The following MMADHC variants were observed in gnomAD, a reference collection of about 807,000 sequenced individuals.
MMADHC encodes the protein cobalamin trafficking protein CblD.
In MMADHC, 23 loss-of-function variants were observed where a neutral mutation model predicts 36.3. That is an observed-to-expected ratio of 0.63 (90% CI 0.46 to 0.90). The LOEUF (loss-of-function observed/expected upper bound fraction) is 0.90. MMADHC is among the 40% of genes least tolerant of loss of function. The pLI is 0.00. For synonymous variants in MMADHC, 97 were observed against 116.1 expected, an observed-to-expected ratio of 0.84 and a Z score of 1.06; for missense variants, 330 against 348.0, an observed-to-expected ratio of 0.95 and a Z score of 0.41.
intron 3 of MMADHC, among the ~76,000 whole-genome samples, chr2:149,580,649 T>C (rs948386148): frequency 1.3e-5 from 2 of 152,186 alleles, no homozygotes; most frequent in African/African-American, 2.4e-5. Flanking sequence ...GAGAACTAAG[T>C]AACTGAGAAT....
chr2:149,578,175 A>C (rs959049191), intron 4 of MMADHC, among the ~76,000 whole-genome samples: 23 of 152,038 alleles, frequency 1.5e-4, no homozygotes, highest in African/African-American at 5.6e-4. Context: ...CAATGACTCT[A>C]AAAATCCAGG....
chr2:149,573,595 T>G (rs1682674660), intron 6 of MMADHC, among the ~76,000 whole-genome samples: 1 of 151,604 alleles, frequency 6.6e-6, no homozygotes. Flanking sequence ...TGATCTAAGG[T>G]AACTTTTCTC....
rs1408918634 is a variant in MMADHC, at chr2:149,569,820, T to G, written c.*154A>C. ...ATGAATAAATGAACATTTGCAATTT[T>G]AAAATCCCAAATCACTTGCCAATGT... On this transcript the variant is annotated 3_prime_UTR_variant, in exon 8 of 8. Coordinates refer to ENST00000303319, the MANE Select transcript of MMADHC (RefSeq NM_015702.3). 1 of 705,722 alleles carries G rather than the reference T, an allele frequency of 1.4e-6. No individual in the cohort carries two copies. Among genetic ancestry groups the G allele is most frequent in the Admixed American group, 2.7e-5 (1 of 36,994 alleles). 43.7% of individuals were successfully genotyped at this position (705,722 alleles called of 1,614,324 possible). A position where few individuals can be genotyped will look rare whatever the true frequency, so the allele number is the denominator to read the frequency against.
rs546832206 is a variant in MMADHC, at chr2:149,581,344, CAG to C, written c.154+781_154+782del. Among the ~76,000 whole-genome samples the C allele has an allele frequency of 2.2e-4, 33 of 152,050 alleles. No individual in the cohort carries two copies. In the East Asian group the frequency reaches 4.6e-3, roughly 21 times the overall value. On this transcript the variant is annotated intron_variant, in intron 3 of 7. Transcript: ENST00000303319. ...TAGGTGATGTAAATTGGGGAGTAGTCAGAGAGTTAGAAAACTTGGGCAGGATG... is the reference window on the plus strand; with the variant it reads ...TAGGTGATGTAAATTGGGGAGTAGTCAGAGTTAGAAAACTTGGGCAGGATG...
In MMADHC at chr2:149,571,359, TAACAC is replaced by T. The variant is rs1385419594; in HGVS notation, c.610-193_610-189del. On this transcript the variant is annotated intron_variant, in intron 6 of 7. Transcript: ENST00000303319. ...TTCACCATTCCAGAAGATTAATGGT[TAACAC>T]AACACTTTATTTCAAAAAGACTAAA... 3.3e-5 allele frequency among the ~76,000 whole-genome samples: 5 copies of T among 152,338 alleles called. No individual in the cohort carries two copies. The South Asian group carries it at 6.2e-4, about 19-fold the overall frequency.
intron 4 of MMADHC, 68 bp from the exon 5 acceptor site, chr2:149,576,610 A>AATAAC (rs1254176837): frequency 9.1e-7 from 1 of 1,093,384 alleles, no homozygotes; most frequent in African/African-American, 1.6e-5. Context: ...TGCCTGTTAT[A>AATAAC]AACCTGTCTT....
At position 149,582,153 on chromosome 2, in the gene MMADHC, T is replaced by C; in HGVS notation, c.128A>G (p.His43Arg). 5 of 1,613,932 alleles carry C rather than the reference T, an allele frequency of 3.1e-6. No homozygotes were observed. Among genetic ancestry groups the C allele is most frequent in the Non-Finnish European group, 4.2e-6 (5 of 1,179,862 alleles). ...TATATCTGGAGGTGCAGCAGCCACA[T>C]GAGACTCATCCGAACCTGATGATCC... Reference protein sequence around the residue: ...TAGSSGSDESHVAAAPPDICS... With the variant: ...TAGSSGSDESRVAAAPPDICS... The change falls in exon 3 of 8, where the codon CAT (histidine) becomes CGT (arginine). Residue 43 changes from histidine (H) to arginine (R), a missense_variant. By Grantham distance (29) the His-to-Arg change is conservative. Transcript: ENST00000303319.
In MMADHC at chr2:149,569,708, G is replaced by A; in HGVS notation, c.*266C>T. 3.6e-6 allele frequency: 1 copy of A among 279,766 alleles called. No individual in the cohort carries two copies. The highest frequency in any genetic ancestry group is 6.5e-5 in the East Asian group (1 of 15,324). 17.3% of individuals were successfully genotyped at this position (279,766 alleles called of 1,614,324 possible). A position where few individuals can be genotyped will look rare whatever the true frequency, so the allele number is the denominator to read the frequency against. ...TGAGGCCTTTTTCCAATAAAGAGGA[G>A]AAATAACAATAGCAGATCATACCCT... On this transcript the variant is annotated 3_prime_UTR_variant, in exon 8 of 8. Transcript: ENST00000303319.
intron 6 of MMADHC, among the ~76,000 whole-genome samples, chr2:149,571,379 A>G (rs574882867): frequency 6.6e-6 from 1 of 152,334 alleles, no homozygotes; most frequent in East Asian, 1.9e-4. Context: ...CTTTATTTCA[A>G]AAAGACTAAA....
chr2:149,587,317 A>AT, intron 1 of MMADHC, 168 bp from the exon 2 acceptor site: 2 of 607,556 alleles, frequency 3.3e-6, no homozygotes, highest in Non-Finnish European at 5.9e-6. Flanking sequence ...CCAGGCACAG[A>AT]TCCCCCAGCC....
chr2:149,572,165 AC>A, intron 6 of MMADHC: 1 of 401,582 alleles, frequency 2.5e-6, no homozygotes, highest in Non-Finnish European at 4.8e-6. Context: ...AAATATTAAG[AC>A]CAGATTACAA....
At chr2:149,577,145 A>G (rs964614537) in intron 4 of MMADHC, among the ~76,000 whole-genome samples, 1 of 152,234 alleles carries the variant, frequency 6.6e-6, no homozygotes, top group East Asian at 1.9e-4. Flanking sequence ...GACAAGTGCT[A>G]CAGAGTTATG....
intron 2 of MMADHC, among the ~76,000 whole-genome samples, chr2:149,583,680 A>G (rs1194191355): frequency 1.3e-5 from 2 of 152,170 alleles, no homozygotes; most frequent in Non-Finnish European, 2.9e-5. Context: ...CCTGAGAATT[A>G]TTCTATTTCC....
chr2:149,576,370 T>G, intron 5 of MMADHC, 67 bp downstream of exon 5: 2 of 1,064,140 alleles, frequency 1.9e-6, no homozygotes, highest in East Asian at 4.7e-5. Flanking sequence ...CCAATTTCTA[T>G]AGAGTACATT....
chr2:149,575,851 A>G lies in MMADHC; in HGVS notation c.479-10T>C. 1 of 1,587,258 alleles carries G rather than the reference A, an allele frequency of 6.3e-7. No homozygotes were observed. Among genetic ancestry groups the G allele is most frequent in the Non-Finnish European group, 8.6e-7 (1 of 1,159,566 alleles). On this transcript the variant is annotated splice_polypyrimidine_tract_variant and intron_variant, in intron 5 of 7. Coordinates refer to ENST00000303319, the MANE Select transcript of MMADHC (RefSeq NM_015702.3). ...AACAGTGATTCAAAATCTACAAATA[A>G]GAATAAACATTCCAGGTAGAAAAGA...
rs572496616 is a variant in MMADHC, at chr2:149,577,178, G to C, written c.373-636C>G. Among the ~76,000 whole-genome samples, 4 of 152,362 alleles carry C rather than the reference G, an allele frequency of 2.6e-5. No individual in the cohort carries two copies. The East Asian group carries it at 7.7e-4, about 29-fold the overall frequency. ...ATGAATAAAGTCTTCCAGGGGCATA[G>C]ATGAGGAAGAAACTTACTTTGCTGG... On this transcript the variant is annotated intron_variant, in intron 4 of 7. Coordinates refer to ENST00000303319, the MANE Select transcript of MMADHC (RefSeq NM_015702.3).
chr2:149,580,330 C>T (rs1682776916), intron 3 of MMADHC, among the ~76,000 whole-genome samples: 1 of 152,076 alleles, frequency 6.6e-6, no homozygotes, highest in African/African-American at 2.4e-5. Context: ...GGGCATTCTG[C>T]TGCTGTTATC....
chr2:149,573,038 A>G (rs1221335020), intron 6 of MMADHC, among the ~76,000 whole-genome samples: 1 of 152,182 alleles, frequency 6.6e-6, no homozygotes, highest in Non-Finnish European at 1.5e-5. Flanking sequence ...ATGCTTTAAC[A>G]CAAGGGTAGA....
intron 4 of MMADHC, 35 bp downstream of exon 4, chr2:149,579,396 T>C: frequency 6.4e-7 from 1 of 1,559,998 alleles, no homozygotes. Context: ...GCATTAATAA[T>C]CAGGAAAGCA....
Sources: gnomAD v4.1 joint callset for allele counts (sites outside exome capture counted in the v4.1 genomes callset) on GRCh38, gnomAD v4.1.1 for gene constraint, MANE v1.5 for transcripts, NCBI Gene and HGNC (gene_info 2026-07-23, HGNC 2026-07-21) for gene names.